DMD: variants seen among roughly 807,000 people sequenced by gnomAD.
DMD encodes the protein mutant dystrophin.
DMD carries 63 observed loss-of-function variants against 330.1 expected under a neutral mutation model. The observed-to-expected ratio is 0.19, with a 90% CI of 0.16 to 0.24. DMD has a LOEUF of 0.24. Among genes scored for constraint, DMD ranks in the 10% least tolerant of loss-of-function variants. The pLI is 1.00. For synonymous variants in DMD, 1,223 were observed against 959.8 expected (o/e 1.27, Z -5.07); for missense variants, 3,344 against 2,684.1 (o/e 1.25, Z -5.43).
intron 18 of DMD, among the ~76,000 whole-genome samples, chrX:32,510,177 C>T (rs926096543): frequency 2.7e-5 from 3 of 111,965 alleles, no homozygotes; most frequent in Non-Finnish European, 5.6e-5. Context: ...TCTTAATTAA[C>T]TTCCTTAACC....
intron 17 of DMD, among the ~76,000 whole-genome samples, chrX:32,535,564 A>G (rs887942296): frequency 1.8e-5 from 2 of 111,710 alleles, no homozygotes; most frequent in East Asian, 5.6e-4. Flanking sequence ...AGAAAGCCCC[A>G]GCTTCTGAGC....
At chrX:33,050,412 A>T in intron 1 of DMD, among the ~76,000 whole-genome samples, 1 of 111,632 alleles carries the variant, frequency 9.0e-6, no homozygotes, top group East Asian at 2.8e-4. Flanking sequence ...ATTAAACTAG[A>T]TTTTTTTTAA....
intron 27 of DMD, among the ~76,000 whole-genome samples, chrX:32,446,784 A>G (rs1664642394): frequency 9.0e-6 from 1 of 110,569 alleles, no homozygotes; most frequent in Non-Finnish European, 1.9e-5. Flanking sequence ...TTTCCACCAT[A>G]TTATTGTTAG....
chrX:32,847,250 A>T (rs10218021), intron 3 of DMD, among the ~76,000 whole-genome samples: 8,530 of 111,589 alleles, frequency 0.076, 768 homozygotes, highest in African/African-American at 0.26. Context: ...AAATGTACAC[A>T]TGTGCATATG....
In DMD at chrX:31,178,763, T is replaced by G. The variant is rs752102220; in HGVS notation, c.10129A>C (p.Lys3377Gln). Reference protein sequence around the residue: ...EDVRDFAKVLKNKFRTKRYFA... With the variant: ...EDVRDFAKVLQNKFRTKRYFA... Reference sequence around the variant, plus strand: ...TACCTTTTGGTTCGAAATTTGTTTTTTAGTACCTTGGCAAAGTCTCGAACA... The same window carrying G: ...TACCTTTTGGTTCGAAATTTGTTTTGTAGTACCTTGGCAAAGTCTCGAACA... The change falls in exon 70 of 79, where the codon AAA becomes CAA. Residue 3377 changes from lysine (K) to glutamine (Q), a missense_variant. Coordinates refer to ENST00000357033, the MANE Select transcript of DMD (RefSeq NM_004006.3). 2 of 1,211,345 alleles carry G rather than the reference T, an allele frequency of 1.7e-6. No individual in the cohort carries two copies. Among genetic ancestry groups the G allele is most frequent in the Non-Finnish European group, 2.2e-6 (2 of 895,034 alleles).
At chrX:33,211,663 T>C, upstream of DMD, 2 of 629,936 alleles carry the variant, frequency 3.2e-6, no homozygotes, top group Non-Finnish European at 4.1e-6. Flanking sequence ...CCATGGTCAC[T>C]ACATATAAGG....
intron 12 of DMD, among the ~76,000 whole-genome samples, chrX:32,601,252 T>G (rs1312546646): frequency 8.9e-6 from 1 of 112,064 alleles, no homozygotes; most frequent in Non-Finnish European, 1.9e-5. Flanking sequence ...TATAACTTTG[T>G]TATAAATTTG....
chrX:32,043,131 T>C (rs1315974423), intron 44 of DMD, among the ~76,000 whole-genome samples: 1 of 111,765 alleles, frequency 8.9e-6, no homozygotes, highest in Non-Finnish European at 1.9e-5. Context: ...CATCAATATA[T>C]ACACCTTCCT....
chrX:31,477,653 T>TGG (rs2067888452), intron 59 of DMD, among the ~76,000 whole-genome samples: 2 of 110,919 alleles, frequency 1.8e-5, no homozygotes, highest in South Asian at 7.8e-4. Context: ...GGCAACACAT[T>TGG]AACAGCCTTA....
chrX:31,512,633 T>C (rs2071744161), intron 55 of DMD, among the ~76,000 whole-genome samples: 2 of 110,321 alleles, frequency 1.8e-5, no homozygotes, highest in South Asian at 3.9e-4. Flanking sequence ...TTGTTAAAGA[T>C]CAGATAGTTG....
Position 31,720,756 on chromosome X carries a change from C to T in DMD, c.7660+8875G>A, listed in dbSNP as rs79197194. Among the ~76,000 whole-genome samples, 1,165 of 111,353 alleles carry T rather than the reference C, an allele frequency of 0.01. 23 individuals carry two copies. The East Asian group carries it at 0.11, about 11-fold the overall frequency. ...AAAAGAAACATAATGAAGACAAAAA[C>T]AATTAGTAGAAAACACTATTTATGT... is the stretch of plus-strand genomic sequence containing the variant. On this transcript the variant is annotated intron_variant, in intron 52 of 78. Transcript: ENST00000357033.
chrX:32,385,236 G>A (rs1178646790), intron 33 of DMD, among the ~76,000 whole-genome samples: 1 of 110,379 alleles, frequency 9.1e-6, no homozygotes, highest in African/African-American at 3.3e-5. Context: ...AGAATAGAGA[G>A]CCCAATAATA....
chrX:32,243,071 C>T (rs907528461), intron 43 of DMD, among the ~76,000 whole-genome samples: 1 of 107,941 alleles, frequency 9.3e-6, no homozygotes, highest in Admixed American at 1.0e-4. Flanking sequence ...AGCAGGCAGA[C>T]AGGCAGACAG....
intron 73 of DMD, among the ~76,000 whole-genome samples, chrX:31,169,978 C>A (rs924378994): frequency 3.6e-5 from 4 of 112,304 alleles, no homozygotes; most frequent in African/African-American, 1.3e-4. Context: ...AATCTGTTCA[C>A]TAACCCACGC....
At chrX:31,295,097 G>A (rs975380464) in intron 62 of DMD, among the ~76,000 whole-genome samples, 27 of 110,642 alleles carry the variant, frequency 2.4e-4, no homozygotes, top group African/African-American at 7.9e-4. Flanking sequence ...CCGGGTTCAC[G>A]CCATTCTCCT....
chrX:32,144,652 T>C (rs1405686579), intron 44 of DMD, among the ~76,000 whole-genome samples: 1 of 112,083 alleles, frequency 8.9e-6, no homozygotes, highest in East Asian at 2.8e-4. Context: ...CAATAATAAA[T>C]AAAATTGTCA....
chrX:33,238,247 A>G (rs986555174), intron 1 of DMD, among the ~76,000 whole-genome samples: 3 of 111,948 alleles, frequency 2.7e-5, no homozygotes, highest in Non-Finnish European at 5.6e-5. Flanking sequence ...ATGTTTTACA[A>G]CTTTGAAGAC....
chrX:31,788,998 C>G (rs990185281), intron 50 of DMD, among the ~76,000 whole-genome samples: 41 of 110,957 alleles, frequency 3.7e-4, no homozygotes, highest in African/African-American at 1.3e-3. Context: ...TTATGGGCAG[C>G]ATGTAGTTGA....
chrX:31,649,253 G>C (rs2080295361), intron 54 of DMD, among the ~76,000 whole-genome samples: 2 of 111,607 alleles, frequency 1.8e-5, no homozygotes, highest in African/African-American at 3.3e-5. Flanking sequence ...ATACATAGGA[G>C]CATTTCTAAG....
Sources: gnomAD v4.1 joint callset for allele counts (sites outside exome capture counted in the v4.1 genomes callset) on GRCh38, gnomAD v4.1.1 for gene constraint, MANE v1.5 for transcripts, NCBI Gene and HGNC (gene_info 2026-07-23, HGNC 2026-07-21) for gene names.